The following CSMD1 variants were observed in gnomAD, a reference collection of about 807,000 sequenced individuals.
The protein encoded by CSMD1 is CUB and Sushi multiple domains 1, also known as CUB and sushi domain-containing protein 1.
CSMD1 carries 213 observed loss-of-function variants against 417.5 expected under a neutral mutation model. The ratio of observed to expected loss-of-function variants is 0.51; its 90% confidence interval spans 0.46 to 0.57. The LOEUF (loss-of-function observed/expected upper bound fraction) is 0.57. Among genes scored for constraint, CSMD1 ranks in the 20% least tolerant of loss-of-function variants. The probability of loss-of-function intolerance (pLI) is 0.00; values close to 1 mark genes in which losing one functional copy is unlikely to be tolerated. For missense variants in CSMD1, 6,923 were observed against 4,529.7 expected (o/e 1.53, Z -15.17); for synonymous variants, 2,862 against 1,736.8 (o/e 1.65, Z -16.11).
intron 2 of CSMD1, among the ~76,000 whole-genome samples, chr8:4,551,393 C>T (rs922785574): frequency 6.6e-6 from 1 of 152,194 alleles, no homozygotes; most frequent in East Asian, 1.9e-4. Context: ...CTCCTCCCCA[C>T]CAAACCCCAT....
intron 7 of CSMD1, among the ~76,000 whole-genome samples, chr8:3,661,927 G>C (rs1459278898): frequency 6.6e-6 from 1 of 152,174 alleles, no homozygotes; most frequent in Admixed American, 6.5e-5. Flanking sequence ...ATAGCAAAGA[G>C]GAGTAAGATT....
chr8:3,017,331 C>T (rs1295338519), intron 52 of CSMD1, among the ~76,000 whole-genome samples: 1 of 152,092 alleles, frequency 6.6e-6, no homozygotes, highest in African/African-American at 2.4e-5. Flanking sequence ...TTTAGGAATG[C>T]ATGGAAACTC....
At position 4,425,121 on chromosome 8, in the gene CSMD1, T is replaced by C. The variant is rs540015604; in HGVS notation, c.303-5056A>G. 1.7e-4 allele frequency among the ~76,000 whole-genome samples: 26 copies of C among 152,198 alleles called. 1 individual carries two copies. In the South Asian group the frequency reaches 4.8e-3, roughly 28 times the overall value. Reference sequence around the variant, plus strand: ...CTAAGTTAGGTACAAAATAATGTGATAGCACTTAATTAAATACAATTTCAT... The same window carrying C: ...CTAAGTTAGGTACAAAATAATGTGACAGCACTTAATTAAATACAATTTCAT... On this transcript the variant is annotated intron_variant, in intron 2 of 69. Transcript: ENST00000635120.
chr8:4,382,547 A>C (rs1162575549), intron 3 of CSMD1, among the ~76,000 whole-genome samples: 3 of 152,128 alleles, frequency 2.0e-5, no homozygotes, highest in Non-Finnish European at 2.9e-5. Flanking sequence ...ATTATAAAAA[A>C]CCCTCTGAGT....
At chr8:3,676,046 T>C (rs761370286) in intron 7 of CSMD1, among the ~76,000 whole-genome samples, 4 of 152,218 alleles carry the variant, frequency 2.6e-5, no homozygotes, top group South Asian at 2.1e-4. Context: ...AATATAGGCA[T>C]AGGAAGTCAT....
intron 3 of CSMD1, among the ~76,000 whole-genome samples, chr8:4,041,632 C>A (rs1585190126): frequency 6.6e-6 from 1 of 152,024 alleles, no homozygotes; most frequent in Non-Finnish European, 1.5e-5. Flanking sequence ...AAGAAGATAT[C>A]CATAAGAAGA....
chr8:3,254,379 A>T (rs540575710), intron 26 of CSMD1, among the ~76,000 whole-genome samples: 1 of 152,058 alleles, frequency 6.6e-6, no homozygotes, highest in South Asian at 2.1e-4. Flanking sequence ...CGAGGGGTAT[A>T]TTTGTGGCAT....
rs75730905 is a variant in CSMD1, at chr8:4,716,630, C to T, written c.86-79072G>A. On this transcript the variant is annotated intron_variant, in intron 1 of 69. Transcript: ENST00000635120. ...AGAATATGGATTAACACAGGTCTCC[C>T]GAATTCCTGGCCTATTCAGCATTTA... is the stretch of plus-strand genomic sequence containing the variant. Among the ~76,000 whole-genome samples the T allele has an allele frequency of 1.8e-3, 280 of 152,174 alleles. 9 individuals carry two copies. In the South Asian group the frequency reaches 0.048, roughly 26 times the overall value.
chr8:4,524,932 G>A (rs1457567786), intron 2 of CSMD1, among the ~76,000 whole-genome samples: 1 of 152,020 alleles, frequency 6.6e-6, no homozygotes, highest in East Asian at 1.9e-4. Flanking sequence ...CACATTCAAA[G>A]CCACACTATC....
At chr8:3,366,821 G>A (rs536011927) in intron 20 of CSMD1, among the ~76,000 whole-genome samples, 1 of 152,290 alleles carries the variant, frequency 6.6e-6, no homozygotes, top group African/African-American at 2.4e-5. Flanking sequence ...GTAACACAAA[G>A]TGGCATTTTC....
At chr8:3,565,551 T>A (rs13258825) in intron 10 of CSMD1, among the ~76,000 whole-genome samples, 1 of 151,976 alleles carries the variant, frequency 6.6e-6, no homozygotes, top group Non-Finnish European at 1.5e-5. Flanking sequence ...TGTTAACCTT[T>A]TAATACTTCA....
intron 8 of CSMD1, among the ~76,000 whole-genome samples, chr8:3,609,240 A>G (rs1271760828): frequency 6.6e-6 from 1 of 152,200 alleles, no homozygotes; most frequent in African/African-American, 2.4e-5. Flanking sequence ...GCACAGAAAG[A>G]CAGATGAACA....
chr8:3,404,296 C>G (rs28667319), intron 15 of CSMD1, among the ~76,000 whole-genome samples: 10,783 of 150,502 alleles, frequency 0.072, 442 homozygotes, highest in East Asian at 0.17. Context: ...GATTGCACCA[C>G]TGCACTCCAG....
At chr8:3,259,073 A>C (rs1399353285) in intron 26 of CSMD1, among the ~76,000 whole-genome samples, 2 of 152,206 alleles carry the variant, frequency 1.3e-5, no homozygotes, top group Non-Finnish European at 2.9e-5. Flanking sequence ...GGCACCTGCT[A>C]CTTATATATA....
At chr8:3,678,725 C>T (rs1221605372) in intron 7 of CSMD1, among the ~76,000 whole-genome samples, 1 of 152,036 alleles carries the variant, frequency 6.6e-6, no homozygotes, top group Non-Finnish European at 1.5e-5. Flanking sequence ...AACTCCAAGA[C>T]ACATAATTGT....
At chr8:4,151,121 G>T (rs1796551328) in intron 3 of CSMD1, among the ~76,000 whole-genome samples, 1 of 152,116 alleles carries the variant, frequency 6.6e-6, no homozygotes, top group African/African-American at 2.4e-5. Context: ...AAGATATTAG[G>T]ATCCCTGTTC....
intron 12 of CSMD1, among the ~76,000 whole-genome samples, chr8:3,444,485 T>C (rs1445930813): frequency 6.6e-6 from 1 of 152,166 alleles, no homozygotes; most frequent in East Asian, 1.9e-4. Context: ...CCAGTAGAAC[T>C]TTTGCTACCA....
chr8:4,492,732 G>A (rs769149388), intron 2 of CSMD1, among the ~76,000 whole-genome samples: 3 of 152,152 alleles, frequency 2.0e-5, no homozygotes, highest in Non-Finnish European at 2.9e-5. Flanking sequence ...AACTGACCAT[G>A]GGCACAGGTA....
At chr8:4,214,888 T>G (rs1800541664) in intron 3 of CSMD1, among the ~76,000 whole-genome samples, 1 of 152,166 alleles carries the variant, frequency 6.6e-6, no homozygotes. Context: ...AAATGTATAT[T>G]CTTTTTTAAG....
Sources: gnomAD v4.1 joint callset for allele counts (sites outside exome capture counted in the v4.1 genomes callset) on GRCh38, gnomAD v4.1.1 for gene constraint, MANE v1.5 for transcripts, NCBI Gene and HGNC (gene_info 2026-07-23, HGNC 2026-07-21) for gene names.